NEURL1: variants seen among roughly 807,000 people sequenced by gnomAD.
NEURL1 encodes E3 ubiquitin-protein ligase NEURL1.
In NEURL1, 26 loss-of-function variants were observed where a neutral mutation model predicts 41.2. The observed-to-expected ratio is 0.63, with a 90% confidence interval of 0.46 to 0.87. The LOEUF is 0.87. Ranked by LOEUF, NEURL1 falls within the 40% of genes least tolerant of loss-of-function variation. The pLI is 0.00. For synonymous variants in NEURL1, 400 were observed against 402.3 expected (o/e 0.99, Z 0.07); for missense variants, 761 against 871.1 (o/e 0.87, Z 1.59).
chr10:103,590,402 A>G lies in NEURL1; in HGVS notation c.*30A>G. 12 of 1,568,938 alleles carry G rather than the reference A, an allele frequency of 7.6e-6. No individual in the cohort carries two copies. The highest frequency in any genetic ancestry group is 1.1e-5 in the Non-Finnish European group (12 of 1,140,322). ...TTGCGGTGGCCCATCCCGCATACCCATCTTCTCGGGCTTCAGCCCAGTCCC... is the reference window on the plus strand; with the variant it reads ...TTGCGGTGGCCCATCCCGCATACCCGTCTTCTCGGGCTTCAGCCCAGTCCC... On this transcript the variant is annotated 3_prime_UTR_variant, in exon 6 of 6. Transcript: ENST00000369780.
chr10:103,494,984 G>A (rs150953033), intron 1 of NEURL1, among the ~76,000 whole-genome samples: 17 of 152,312 alleles, frequency 1.1e-4, no homozygotes, highest in African/African-American at 3.8e-4. Flanking sequence ...CTTTGCAGCC[G>A]TTGGGTTTTT....
intron 1 of NEURL1, among the ~76,000 whole-genome samples, chr10:103,517,675 C>T (rs1420157661): frequency 6.6e-6 from 1 of 152,236 alleles, no homozygotes; most frequent in Non-Finnish European, 1.5e-5. Context: ...TACTGTTTCC[C>T]AAAGAGAAAT....
chr10:103,582,914 G>C (rs1018971781), intron 3 of NEURL1, among the ~76,000 whole-genome samples: 3 of 152,232 alleles, frequency 2.0e-5, no homozygotes, highest in Non-Finnish European at 1.5e-5. Flanking sequence ...GCGGCATTAG[G>C]AGTTGGACAG....
At chr10:103,570,846 T>C (rs1423672384) in intron 1 of NEURL1, 26 bp from the exon 2 acceptor site, 1 of 1,601,294 alleles carries the variant, frequency 6.2e-7, no homozygotes, top group Non-Finnish European at 8.5e-7. Context: ...CCAAGTTCTC[T>C]GACACCGTGG....
chr10:103,565,592 C>T (rs2035406133), intron 1 of NEURL1, among the ~76,000 whole-genome samples: 1 of 152,210 alleles, frequency 6.6e-6, no homozygotes, highest in African/African-American at 2.4e-5. Flanking sequence ...TGAGAAAGTG[C>T]AGCCTCTCTT....
rs762051309 is a variant in NEURL1, at chr10:103,494,352, C to G, written c.-36C>G. 5 of 1,536,162 alleles carry G rather than the reference C, an allele frequency of 3.3e-6. No homozygotes were observed. The highest frequency in any genetic ancestry group is 4.4e-6 in the Non-Finnish European group (5 of 1,132,470). On this transcript the variant is annotated 5_prime_UTR_variant, in exon 1 of 6. Coordinates refer to ENST00000369780, the MANE Select transcript of NEURL1 (RefSeq NM_004210.5). ...CTCAGCGCCTGCCCGGCCTCGCCCC[C>G]ACCCGCGAGCGCCGAACCTCCTGGG...
At chr10:103,534,997 T>C (rs979501119) in intron 1 of NEURL1, among the ~76,000 whole-genome samples, 1 of 151,990 alleles carries the variant, frequency 6.6e-6, no homozygotes. Flanking sequence ...CTCTAAAGAT[T>C]TGGGCCTGGG....
intron 1 of NEURL1, among the ~76,000 whole-genome samples, chr10:103,544,391 G>A (rs1174318374): frequency 6.6e-6 from 1 of 152,174 alleles, no homozygotes; most frequent in African/African-American, 2.4e-5. Context: ...CCTGGTGGAA[G>A]GGGGAATGGG....
intron 1 of NEURL1, among the ~76,000 whole-genome samples, chr10:103,520,406 A>G (rs913646586): frequency 2.0e-4 from 30 of 152,200 alleles, no homozygotes; most frequent in African/African-American, 7.0e-4. Context: ...GGCAGGGGCG[A>G]GGGTCACAAG....
intron 1 of NEURL1, among the ~76,000 whole-genome samples, chr10:103,568,392 G>C (rs764630439): frequency 6.6e-6 from 1 of 152,156 alleles, no homozygotes; most frequent in Non-Finnish European, 1.5e-5. Context: ...GCCCCAGGAC[G>C]TCAAGCAGGA....
At chr10:103,561,287 G>C (rs2035287230) in intron 1 of NEURL1, among the ~76,000 whole-genome samples, 1 of 149,026 alleles carries the variant, frequency 6.7e-6, no homozygotes, top group Non-Finnish European at 1.5e-5. Flanking sequence ...TCGAGACAGA[G>C]TCTCACTCTT....
Position 103,584,750 on chromosome 10 carries a change from G to A in NEURL1, c.864G>A (p.Ala288=). ...LNSQHSRALP[A]QLDGDLRFHA... ...CGCAGCACAGCCGCGCGCTGCCGGC[G>A]CAGCTCGACGGCGACCTGCGTTTCC... Residue 288 remains alanine, a synonymous_variant, in exon 4 of 6, where the codon GCG becomes GCA. Transcript: ENST00000369780. The A allele has an allele frequency of 1.4e-6, 2 of 1,460,054 alleles. No homozygotes were observed. Among genetic ancestry groups the A allele is most frequent in the South Asian group, 1.3e-5 (1 of 75,612 alleles). 90.4% of individuals were successfully genotyped at this position (1,460,054 alleles called of 1,614,324 possible).
chr10:103,514,649 C>A (rs896248398), intron 1 of NEURL1, among the ~76,000 whole-genome samples: 4 of 152,216 alleles, frequency 2.6e-5, no homozygotes, highest in Middle Eastern at 3.2e-3. Context: ...TAGCCCCTGG[C>A]ACTGTGGCAA....
At chr10:103,531,603 G>T (rs926794457) in intron 1 of NEURL1, among the ~76,000 whole-genome samples, 1 of 151,816 alleles carries the variant, frequency 6.6e-6, no homozygotes, top group African/African-American at 2.4e-5. Context: ...CATGGTCATA[G>T]CTCACTGCAT....
intron 1 of NEURL1, among the ~76,000 whole-genome samples, chr10:103,553,901 G>T (rs1462603645): frequency 1.2e-4 from 19 of 152,242 alleles, no homozygotes; most frequent in Admixed American, 1.2e-3. Flanking sequence ...CTGTCCTGTT[G>T]TCCTGGTAGA....
At position 103,494,235 on chromosome 10, in the gene NEURL1, G is replaced by A. The variant is rs868404649; in HGVS notation, c.-153G>A. The stretch of plus-strand genomic sequence containing the variant: ...GGACCGCGAAGTCCAGAGAAAGGAA[G>A]CTGAGGAGCTGCCCGCCCGCCCCCG... On this transcript the variant is annotated 5_prime_UTR_variant, in exon 1 of 6. Transcript: ENST00000369780. The A allele has an allele frequency of 1.8e-6, 1 of 567,006 alleles. No homozygotes were observed. Among genetic ancestry groups the A allele is most frequent in the Non-Finnish European group, 3.0e-6 (1 of 331,152 alleles). The allele number at this position is 567,006 out of a possible 1,614,324, so 35.1% of individuals were successfully genotyped here. A position where few individuals can be genotyped will look rare whatever the true frequency, so the allele number is the denominator to read the frequency against.
chr10:103,575,027 A>G (rs2035630195), intron 3 of NEURL1, among the ~76,000 whole-genome samples: 1 of 150,702 alleles, frequency 6.6e-6, no homozygotes, highest in South Asian at 2.1e-4. Context: ...AGGGAGACAC[A>G]GAGATTCATC....
At chr10:103,530,963 C>T (rs562066775) in intron 1 of NEURL1, among the ~76,000 whole-genome samples, 1 of 152,006 alleles carries the variant, frequency 6.6e-6, no homozygotes, top group Non-Finnish European at 1.5e-5. Context: ...TGGCTTATGC[C>T]TATAATCCCA....
intron 3 of NEURL1, among the ~76,000 whole-genome samples, chr10:103,582,367 C>G (rs2035800334): frequency 6.6e-6 from 1 of 152,208 alleles, no homozygotes; most frequent in African/African-American, 2.4e-5. Context: ...TGGCCTCTGC[C>G]TCTGCCTCTC....
Sources: allele counts gnomAD v4.1 joint callset (sites outside exome capture counted in the v4.1 genomes callset), GRCh38; gene constraint gnomAD v4.1.1; transcripts MANE v1.5; gene names NCBI Gene and HGNC (gene_info 2026-07-23, HGNC 2026-07-21).